ATF7IP: variants seen among roughly 807,000 people sequenced by gnomAD.
ATF7IP encodes the protein activating transcription factor 7 interacting protein.
ATF7IP carries 23 observed loss-of-function variants against 106.4 expected under a neutral mutation model. The ratio of observed to expected loss-of-function variants is 0.22; its 90% CI spans 0.16 to 0.31. The LOEUF is 0.31. Among genes scored for constraint, ATF7IP ranks in the 10% least tolerant of loss-of-function variants. The pLI is 1.00. For missense variants in ATF7IP, 1,334 were observed against 1,524.3 expected, an observed-to-expected ratio of 0.88 and a Z score of 2.08; for synonymous variants, 542 against 539.0, an observed-to-expected ratio of 1.01 and a Z score of -0.08.
intron 10 of ATF7IP, among the ~76,000 whole-genome samples, chr12:14,475,655 T>A (rs934744089): frequency 6.6e-6 from 1 of 152,210 alleles, no homozygotes; most frequent in Non-Finnish European, 1.5e-5. Flanking sequence ...TTAGTTTTTT[T>A]AAGAAAACGT....
chr12:14,492,536 T>C (rs765099651), intron 13 of ATF7IP, among the ~76,000 whole-genome samples: 1 of 152,226 alleles, frequency 6.6e-6, no homozygotes. Context: ...GTCATCATTC[T>C]GTTTTTATTA....
At chr12:14,403,281 A>G (rs1295250427) in intron 1 of ATF7IP, among the ~76,000 whole-genome samples, 1 of 152,212 alleles carries the variant, frequency 6.6e-6, no homozygotes, top group African/African-American at 2.4e-5. Context: ...ATTTCCTAAT[A>G]TGCTTTAAAA....
intron 14 of ATF7IP, among the ~76,000 whole-genome samples, chr12:14,496,628 TAA>T: frequency 1.3e-5 from 2 of 152,350 alleles, no homozygotes; most frequent in East Asian, 3.9e-4. Flanking sequence ...AATTCATAGT[TAA>T]ATTAAAAAGG....
chr12:14,495,191 C>A (rs1036858589), intron 13 of ATF7IP, among the ~76,000 whole-genome samples: 1 of 152,192 alleles, frequency 6.6e-6, no homozygotes, highest in Non-Finnish European at 1.5e-5. Flanking sequence ...CTGCCTTCCC[C>A]AGTCCACTGA....
Position 14,460,604 on chromosome 12 carries a change from C to G in ATF7IP, c.2268C>G (p.Pro756=), listed in dbSNP as rs1421298608. The G allele has an allele frequency of 6.2e-7, 1 of 1,614,150 alleles. No individual in the cohort carries two copies. The highest frequency in any genetic ancestry group is 1.3e-5 in the African/African-American group (1 of 75,032). The stretch of plus-strand genomic sequence containing the variant: ...CAGCAACGTCAGTTCTTCCTGCACC[C>G]AATACAGCTACTGTAGTTGCTACTA... ...SLTATSVLPA[P]NTATVVATTQ... Residue 756 remains proline (P), a synonymous_variant, in exon 9 of 15, where the codon CCC becomes CCG. Transcript: ENST00000261168.
intron 10 of ATF7IP, 39 bp from the exon 11 acceptor site, chr12:14,475,851 A>C: frequency 1.3e-6 from 2 of 1,546,176 alleles, no homozygotes; most frequent in Non-Finnish European, 1.8e-6. Context: ...TATATCTGCC[A>C]GAGTTTTCTT....
intron 13 of ATF7IP, among the ~76,000 whole-genome samples, chr12:14,490,556 G>C (rs1348693516): frequency 1.3e-5 from 2 of 152,166 alleles, no homozygotes; most frequent in South Asian, 2.1e-4. Flanking sequence ...CTGTTCTTCA[G>C]GGATGTCCTA....
chr12:14,458,089 TC>T (rs563821798), intron 8 of ATF7IP, among the ~76,000 whole-genome samples: 1 of 150,884 alleles, frequency 6.6e-6, no homozygotes, highest in South Asian at 2.1e-4. Flanking sequence ...GAGTGGGACT[TC>T]CTCTCAAAAA....
At position 14,457,214 on chromosome 12, in the gene ATF7IP, G is replaced by A. The variant is rs1943461885; in HGVS notation, c.2077G>A (p.Gly693Ser). The change falls in exon 8 of 15, where the codon GGC (glycine) becomes AGC (serine). Residue 693 changes from glycine (G) to serine (S), a missense_variant. Gly to Ser is a moderately conservative substitution (Grantham distance 56, BLOSUM62 0). Around this residue, in one of 10 missense-constraint regions of ATF7IP, gnomAD observed 171 missense variants for 172.6 expected, o/e 0.99. Coordinates refer to ENST00000261168, the MANE Select transcript of ATF7IP (RefSeq NM_018179.5). ...TGTATATGTATTTCATAGAAATGCA[G>A]GCACAGTGAGACAGATGCTGGAGTC... ...SNNNMSYRNAGTVRQMLESKR... is the reference protein window; with the variant it reads ...SNNNMSYRNASTVRQMLESKR... 6.2e-7 allele frequency: 1 copy of A among 1,612,768 alleles called. No homozygotes were observed. Among genetic ancestry groups the A allele is most frequent in the Non-Finnish European group, 8.5e-7 (1 of 1,179,216 alleles).
At chr12:14,488,535 C>T (rs1473324907) in intron 13 of ATF7IP, among the ~76,000 whole-genome samples, 1 of 152,120 alleles carries the variant, frequency 6.6e-6, no homozygotes, top group Admixed American at 6.5e-5. Flanking sequence ...ATCTGCCTTC[C>T]CCAGCCCACT....
chr12:14,367,171 T>A (rs1053616210), intron 1 of ATF7IP, among the ~76,000 whole-genome samples: 2 of 152,162 alleles, frequency 1.3e-5, no homozygotes, highest in Non-Finnish European at 2.9e-5. Context: ...TATAACTCTT[T>A]AAGTTTGAAT....
At chr12:14,473,518 A>G (rs1944139949) in intron 10 of ATF7IP, among the ~76,000 whole-genome samples, 1 of 151,134 alleles carries the variant, frequency 6.6e-6, no homozygotes, top group Non-Finnish European at 1.5e-5. Context: ...GTAGATCTCT[A>G]AATATATTGT....
chr12:14,492,146 G>A (rs1232734425), intron 13 of ATF7IP, among the ~76,000 whole-genome samples: 2 of 152,116 alleles, frequency 1.3e-5, no homozygotes, highest in African/African-American at 4.8e-5. Flanking sequence ...TTGGCACTGG[G>A]GAAATGACCA....
chr12:14,410,356 C>T (rs938881331), intron 1 of ATF7IP, among the ~76,000 whole-genome samples: 1 of 151,810 alleles, frequency 6.6e-6, no homozygotes, highest in Non-Finnish European at 1.5e-5. Context: ...ATGAACCATC[C>T]CTTTGTCCAG....
chr12:14,453,209 G>A (rs537397998), intron 6 of ATF7IP, among the ~76,000 whole-genome samples: 23 of 151,016 alleles, frequency 1.5e-4, no homozygotes, highest in Admixed American at 1.5e-3. Context: ...AATAGTTGGA[G>A]GTCTTTGAGC....
intron 1 of ATF7IP, among the ~76,000 whole-genome samples, chr12:14,413,065 C>T (rs1480904633): frequency 2.0e-5 from 3 of 152,280 alleles, no homozygotes; most frequent in East Asian, 3.9e-4. Context: ...TTGCCTAATT[C>T]TCCTGGCTAG....
chr12:14,400,297 A>G (rs1021077418), intron 1 of ATF7IP, among the ~76,000 whole-genome samples: 17 of 152,218 alleles, frequency 1.1e-4, no homozygotes, highest in Non-Finnish European at 2.5e-4. Context: ...ATATAATGGC[A>G]TAAAACAGGA....
chr12:14,491,374 G>A (rs1157521469), intron 13 of ATF7IP, among the ~76,000 whole-genome samples: 1 of 152,212 alleles, frequency 6.6e-6, no homozygotes, highest in Non-Finnish European at 1.5e-5. Context: ...TAACAGGAAT[G>A]TGTTGACAGG....
intron 12 of ATF7IP, among the ~76,000 whole-genome samples, chr12:14,480,719 C>G (rs1036368456): frequency 4.6e-5 from 7 of 152,132 alleles, no homozygotes; most frequent in African/African-American, 1.7e-4. Context: ...TAATTCTGCA[C>G]CTTTTTAAAA....
Sources: allele counts gnomAD v4.1 joint callset (sites outside exome capture counted in the v4.1 genomes callset), GRCh38; gene constraint gnomAD v4.1.1; regional missense constraint gnomAD v4.1.1; transcripts MANE v1.5; gene names NCBI Gene and HGNC (gene_info 2026-07-23, HGNC 2026-07-21).